ADAMTS2: variants seen among roughly 807,000 people sequenced by gnomAD.
ADAMTS2 encodes A disintegrin and metalloproteinase with thrombospondin motifs 2.
In ADAMTS2, 50 loss-of-function variants were observed where a neutral mutation model predicts 123.0. The observed-to-expected ratio is 0.41, with a 90% CI of 0.32 to 0.51. The LOEUF (loss-of-function observed/expected upper bound fraction) is 0.51. Ranked by LOEUF, ADAMTS2 falls within the 20% of genes least tolerant of loss-of-function variation. ADAMTS2 has a pLI of 0.35. For synonymous variants in ADAMTS2, 678 were observed against 695.4 expected (o/e 0.98, Z 0.39); for missense variants, 1,494 against 1,705.2 (o/e 0.88, Z 2.18).
At chr5:179,283,505 C>T (rs1228890214) in intron 2 of ADAMTS2, among the ~76,000 whole-genome samples, 1 of 111,772 alleles carries the variant, frequency 8.9e-6, no homozygotes, top group Non-Finnish European at 1.7e-5. Flanking sequence ...TTCCAAATGA[C>T]TGAAGGCAGA....
intron 3 of ADAMTS2, among the ~76,000 whole-genome samples, chr5:179,212,952 AT>A (rs1306348667): frequency 2.6e-5 from 4 of 152,080 alleles, no homozygotes; most frequent in Non-Finnish European, 5.9e-5. Context: ...TGCTGGCCAA[AT>A]TTAGGCCCCC....
chr5:179,336,396 G>A (rs901097069), intron 2 of ADAMTS2, among the ~76,000 whole-genome samples: 8 of 152,252 alleles, frequency 5.3e-5, no homozygotes, highest in South Asian at 4.1e-4. Context: ...GGAGGCGGAC[G>A]AAGCCAACCG....
chr5:179,183,635 T>C (rs1475524113), intron 4 of ADAMTS2, among the ~76,000 whole-genome samples: 1 of 152,174 alleles, frequency 6.6e-6, no homozygotes, highest in South Asian at 2.1e-4. Flanking sequence ...CAGAGACACA[T>C]GGGCAAGATA....
intron 2 of ADAMTS2, among the ~76,000 whole-genome samples, chr5:179,342,078 C>T (rs1432418067): frequency 6.6e-6 from 1 of 152,224 alleles, no homozygotes; most frequent in Admixed American, 6.5e-5. Context: ...GGGTACCAGA[C>T]CTGCCTCATT....
intron 12 of ADAMTS2, among the ~76,000 whole-genome samples, chr5:179,136,989 A>T (rs1763077035): frequency 6.6e-6 from 1 of 151,884 alleles, no homozygotes; most frequent in South Asian, 2.1e-4. Context: ...AAAAGTAAAT[A>T]ATCCTTTTCA....
intron 10 of ADAMTS2, among the ~76,000 whole-genome samples, chr5:179,149,923 A>G (rs939043647): frequency 4.6e-5 from 7 of 152,152 alleles, no homozygotes. Flanking sequence ...ACTGGGCTAA[A>G]TGCAGAGGAT....
At position 179,208,656 on chromosome 5, in the gene ADAMTS2, C is replaced by T. The variant is rs1764777781; in HGVS notation, c.689-941G>A. Among the ~76,000 whole-genome samples the T allele has an allele frequency of 3.3e-5, 5 of 152,212 alleles. No homozygotes were observed. In the South Asian group the frequency reaches 6.2e-4, roughly 19 times the overall value. On this transcript the variant is annotated intron_variant, in intron 3 of 21. Transcript: ENST00000251582. ...CTTCAGTTCCCAGCCCTCCACTGCC[C>T]GTCTGAAGGCCACAGCAAGGCTGGC...
intron 5 of ADAMTS2, among the ~76,000 whole-genome samples, chr5:179,171,058 A>G (rs954940935): frequency 5.3e-5 from 8 of 152,238 alleles, no homozygotes; most frequent in Non-Finnish European, 1.2e-4. Flanking sequence ...TGTCCACAGA[A>G]TTTAATAATA....
At chr5:179,273,168 T>C in intron 2 of ADAMTS2, 104 bp from the exon 3 acceptor site, 1 of 1,535,952 alleles carries the variant, frequency 6.5e-7, no homozygotes, top group Non-Finnish European at 8.9e-7. Context: ...CTGAAGACCC[T>C]GCCCAGCACC....
intron 2 of ADAMTS2, among the ~76,000 whole-genome samples, chr5:179,323,017 A>T (rs932732362): frequency 3.3e-5 from 5 of 152,206 alleles, no homozygotes; most frequent in Non-Finnish European, 5.9e-5. Flanking sequence ...GCAGAACTTG[A>T]GCTGCCTAGG....
chr5:179,278,127 G>A (rs866901278), intron 2 of ADAMTS2, among the ~76,000 whole-genome samples: 16 of 22,640 alleles, frequency 7.1e-4, no homozygotes, highest in African/African-American at 2.9e-3. Flanking sequence ...GACCACCCCC[G>A]AGACCAAAGG....
intron 4 of ADAMTS2, among the ~76,000 whole-genome samples, chr5:179,191,841 T>C (rs956159922): frequency 6.6e-6 from 1 of 152,130 alleles, no homozygotes; most frequent in Non-Finnish European, 1.5e-5. Context: ...CTCATGTTAA[T>C]GAATGGGCCT....
chr5:179,341,504 C>T (rs33896), intron 2 of ADAMTS2, among the ~76,000 whole-genome samples: 90,326 of 151,324 alleles, frequency 0.6, 27,047 homozygotes, highest in South Asian at 0.74. Flanking sequence ...ATTGAGACCA[C>T]CCTGGCTAAC....
chr5:179,185,534 C>T lies in ADAMTS2; in HGVS notation c.892-4379G>A, dbSNP rs918437507. 6.6e-6 allele frequency among the ~76,000 whole-genome samples: 1 copy of T among 152,108 alleles called. No homozygotes were observed. Among genetic ancestry groups the T allele is most frequent in the Non-Finnish European group, 1.5e-5 (1 of 68,012 alleles). ...CTACCCCTGGGGCCGAAGGTGGCAG[C>T]TCTCATCTCAAGAAGGAATCTTGTG... On this transcript the variant is annotated intron_variant, in intron 4 of 21. Transcript: ENST00000251582. This position sits in a 1 kb window ranked among gnomAD's most constrained non-coding sequence, Gnocchi z 5.9.
At chr5:179,294,133 G>A (rs1415225525) in intron 2 of ADAMTS2, among the ~76,000 whole-genome samples, 1 of 152,048 alleles carries the variant, frequency 6.6e-6, no homozygotes, top group African/African-American at 2.4e-5. Context: ...GTGCATGCCT[G>A]TGGTCCCAGC....
At chr5:179,258,763 G>T (rs1180552371) in intron 3 of ADAMTS2, among the ~76,000 whole-genome samples, 1 of 152,174 alleles carries the variant, frequency 6.6e-6, no homozygotes, top group Non-Finnish European at 1.5e-5. Context: ...GGTCCAGACA[G>T]GGGTGGAGCT....
intron 7 of ADAMTS2, 145 bp from the exon 8 acceptor site, chr5:179,154,337 C>G: frequency 8.4e-7 from 1 of 1,193,080 alleles, no homozygotes; most frequent in Admixed American, 2.1e-5. Context: ...CACCGACCAT[C>G]TACCTGCTGC....
At chr5:179,220,522 C>T (rs1288750832) in intron 3 of ADAMTS2, among the ~76,000 whole-genome samples, 1 of 152,184 alleles carries the variant, frequency 6.6e-6, no homozygotes, top group Non-Finnish European at 1.5e-5. Context: ...CCTCCGGCTG[C>T]ACTGCCAGCT....
In ADAMTS2 at chr5:179,189,072, T is replaced by G. The variant is rs905020920; in HGVS notation, c.892-7917A>C. Among the ~76,000 whole-genome samples the G allele has an allele frequency of 1.3e-5, 2 of 152,132 alleles. No homozygotes were observed. The highest frequency in any genetic ancestry group is 2.4e-5 in the African/African-American group (1 of 41,404). ...TCTGCCACAATCCTGCTGCGTGACT[T>G]GGGGCCAGTTACTTAACCTGTCTGG... On this transcript the variant is annotated intron_variant, in intron 4 of 21. Coordinates refer to ENST00000251582, the MANE Select transcript of ADAMTS2 (RefSeq NM_014244.5). This position sits in a 1 kb window ranked among gnomAD's most constrained non-coding sequence, Gnocchi z 4.2.
Sources: gnomAD v4.1 joint callset for allele counts (sites outside exome capture counted in the v4.1 genomes callset) on GRCh38, gnomAD v4.1.1 for gene constraint, Gnocchi (gnomAD v3.1) non-coding constraint, MANE v1.5 for transcripts, NCBI Gene and HGNC (gene_info 2026-07-23, HGNC 2026-07-21) for gene names.